SLC25A36: variants seen among roughly 807,000 people sequenced by gnomAD.
SLC25A36 encodes the protein epididymis secretory sperm binding protein.
In SLC25A36, 24 loss-of-function variants were observed where a neutral mutation model predicts 35.3. The ratio of observed to expected loss-of-function variants is 0.68; its 90% CI spans 0.49 to 0.96. SLC25A36 has a LOEUF of 0.96. Among genes scored for constraint, SLC25A36 ranks in the 40% least tolerant of loss-of-function variants. The probability of loss-of-function intolerance (pLI) is 0.00; values close to 1 mark genes in which losing one functional copy is unlikely to be tolerated. For missense variants in SLC25A36, 294 were observed against 381.1 expected, an observed-to-expected ratio of 0.77 and a Z score of 1.90; for synonymous variants, 141 against 132.2, an observed-to-expected ratio of 1.07 and a Z score of -0.46.
intron 1 of SLC25A36, among the ~76,000 whole-genome samples, chr3:140,951,548 A>G (rs1476656466): frequency 6.6e-6 from 1 of 152,056 alleles, no homozygotes; most frequent in Non-Finnish European, 1.5e-5. Flanking sequence ...CACTGGCACA[A>G]TCTCGGCTCA....
At chr3:140,955,598 C>G (rs1353910307) in intron 1 of SLC25A36, among the ~76,000 whole-genome samples, 2 of 152,066 alleles carry the variant, frequency 1.3e-5, no homozygotes, top group Admixed American at 6.5e-5. Flanking sequence ...GTGATCAGTC[C>G]TTTTATTTAA....
rs1243346781 is a variant in SLC25A36, at chr3:140,973,728, A to T, written c.465A>T (p.Glu155Asp). The T allele has an allele frequency of 6.8e-7, 1 of 1,477,162 alleles. No homozygotes were observed. The highest frequency in any genetic ancestry group is 1.4e-5 in the African/African-American group (1 of 71,556). 91.5% of individuals were successfully genotyped at this position (1,477,162 alleles called of 1,614,324 possible). ...TTTTGCTTTTCAGGAACCGCGGGGAAAGGCGAATGGGTGCTTTTGAATGTG... is the reference window on the plus strand; with the variant it reads ...TTTTGCTTTTCAGGAACCGCGGGGATAGGCGAATGGGTGCTTTTGAATGTG... ...RLQLDARNRG[E>D]RRMGAFECVR... The change falls in exon 6 of 7, where the codon GAA (glutamate) becomes GAT (aspartate). Residue 155 changes from glutamate to aspartate, a missense_variant. This residue lies in a region of SLC25A36 where 185 missense variants were observed against 201.5 expected (regional missense o/e 0.92). Transcript: ENST00000324194.
intron 1 of SLC25A36, among the ~76,000 whole-genome samples, chr3:140,942,892 G>C (rs1293733074): frequency 6.6e-6 from 1 of 152,144 alleles, no homozygotes. Flanking sequence ...GATTCCTTTC[G>C]AGAAAACCAC....
At position 140,942,089 on chromosome 3, in the gene SLC25A36, C is replaced by T; in HGVS notation, c.35C>T (p.Ala12Val). 6.8e-7 allele frequency: 1 copy of T among 1,473,720 alleles called. No homozygotes were observed. Among genetic ancestry groups the T allele is most frequent in the Non-Finnish European group, 9.1e-7 (1 of 1,096,812 alleles). The allele number at this position is 1,473,720 out of a possible 1,614,324, so 91.3% of individuals were successfully genotyped here. A position where few individuals can be genotyped will look rare whatever the true frequency, so the allele number is the denominator to read the frequency against. ...SQRDTLVHLFAGGCGGTVGAI... is the reference protein window; with the variant it reads ...SQRDTLVHLFVGGCGGTVGAI... ...AGGGACACGCTGGTGCATCTGTTTG[C>T]CGGAGGGTAAGGTCCTGGCGGGGCG... Residue 12 changes from alanine to valine, a missense_variant, in exon 1 of 7, where the codon GCC (alanine) becomes GTC (valine). Coordinates refer to ENST00000324194, the MANE Select transcript of SLC25A36 (RefSeq NM_001104647.3).
chr3:140,950,765 C>T (rs1341713121), intron 1 of SLC25A36, among the ~76,000 whole-genome samples: 1 of 152,036 alleles, frequency 6.6e-6, no homozygotes, highest in African/African-American at 2.4e-5. Context: ...ATTGCAGTAG[C>T]GCATCTTGGT....
At position 140,976,339 on chromosome 3, in the gene SLC25A36, A is replaced by G. The variant is rs904171646; in HGVS notation, c.822A>G (p.Glu274=). 3.1e-6 allele frequency: 5 copies of G among 1,613,772 alleles called. No homozygotes were observed. The highest frequency in any genetic ancestry group is 1.7e-5 in the Admixed American group (1 of 59,924). The part of the protein sequence containing the change: ...FFQTLSLLVQ[E]EGYGSLYRGL... The stretch of plus-strand genomic sequence containing the variant: ...AGACTCTATCTTTGCTTGTTCAAGA[A>G]GAAGGTTATGGGTCTCTTTATCGTG... The change falls in exon 7 of 7, where the codon GAA becomes GAG. Residue 274 remains glutamate (E), a synonymous_variant. Transcript: ENST00000324194.
At position 140,973,720 on chromosome 3, in the gene SLC25A36, CGCGGGGAAAG is replaced by C. The variant is rs1934964823; in HGVS notation, c.461_470del (p.Gly154GlufsTer17). 1 of 1,461,040 alleles carries C rather than the reference CGCGGGGAAAG, an allele frequency of 6.8e-7. No homozygotes were observed. Among genetic ancestry groups the C allele is most frequent in the Non-Finnish European group, 9.1e-7 (1 of 1,096,190 alleles). The allele number at this position is 1,461,040 out of a possible 1,614,324, so 90.5% of individuals were successfully genotyped here. A position where few individuals can be genotyped will look rare whatever the true frequency, so the allele number is the denominator to read the frequency against. ...ATGTTTCTTTTTGCTTTTCAGGAAC[CGCGGGGAAAG>C]GCGAATGGGTGCTTTTGAATGTGTT... On this transcript the variant is annotated frameshift_variant, in exon 6 of 7. Coordinates refer to ENST00000324194, the MANE Select transcript of SLC25A36 (RefSeq NM_001104647.3). LOFTEE classifies it high-confidence loss of function.
At chr3:140,966,630 T>C (rs940920325) in intron 4 of SLC25A36, 3 of 272,354 alleles carry the variant, frequency 1.1e-5, no homozygotes, top group African/African-American at 6.7e-5. Flanking sequence ...GAGATGATGA[T>C]CCCCTCTAAA....
rs545054065 is a variant in SLC25A36, at chr3:140,978,675, T to C, written c.*2222T>C. ...TCAGCTTTTAACAGTATTATGTATG[T>C]ACTGGAAAGCAAAGAAATCTTAGAG... On this transcript the variant is annotated 3_prime_UTR_variant, in exon 7 of 7. Transcript: ENST00000324194. 3.3e-5 allele frequency: 5 copies of C among 152,332 alleles called. No individual in the cohort carries two copies. In the East Asian group the frequency reaches 9.6e-4, roughly 29 times the overall value. The allele number at this position is 152,332 out of a possible 1,614,324, so 9.4% of individuals were successfully genotyped here.
At chr3:140,944,421 G>A (rs1356218900) in intron 1 of SLC25A36, among the ~76,000 whole-genome samples, 1 of 151,802 alleles carries the variant, frequency 6.6e-6, no homozygotes, top group East Asian at 1.9e-4. Flanking sequence ...TTCAGAGTTT[G>A]TAAGGTCAGT....
chr3:140,958,277 A>G (rs926326099), intron 2 of SLC25A36, among the ~76,000 whole-genome samples: 4 of 152,190 alleles, frequency 2.6e-5, no homozygotes, highest in Non-Finnish European at 4.4e-5. Context: ...TTCAGTTTCT[A>G]TTCCTTCTCA....
intron 1 of SLC25A36, among the ~76,000 whole-genome samples, chr3:140,943,076 C>A (rs1341742716): frequency 6.6e-6 from 1 of 152,140 alleles, no homozygotes; most frequent in Admixed American, 6.5e-5. Context: ...AGTTTAGCCT[C>A]CTGTTTAGAT....
In SLC25A36 at chr3:140,976,381, A is replaced by G. The variant is rs770974021; in HGVS notation, c.864A>G (p.Leu288=). 1 of 1,613,848 alleles carries G rather than the reference A, an allele frequency of 6.2e-7. No individual in the cohort carries two copies. Among genetic ancestry groups the G allele is most frequent in the African/African-American group, 1.3e-5 (1 of 74,932 alleles). Residue 288 remains leucine, a synonymous_variant, in exon 7 of 7, where the codon CTA becomes CTG. Transcript: ENST00000324194. ...TTTATCGTGGTCTGACAACTCATCT[A>G]GTGAGACAGATTCCAAACACAGCCA... ...GSLYRGLTTH[L]VRQIPNTAIM... is the part of the protein sequence containing the mutation.
intron 1 of SLC25A36, chr3:140,942,644 C>T (rs894185436): frequency 6.6e-6 from 1 of 152,256 alleles, no homozygotes; most frequent in African/African-American, 2.4e-5. Context: ...GCCCTCGCTC[C>T]TTGCAGCGCT....
At chr3:140,944,728 TAATA>T (rs1357761569) in intron 1 of SLC25A36, among the ~76,000 whole-genome samples, 1 of 152,176 alleles carries the variant, frequency 6.6e-6, no homozygotes. Flanking sequence ...ACAGATAATT[TAATA>T]TATGTAGTGA....
At chr3:140,966,909 A>G in intron 4 of SLC25A36, 1 of 456,240 alleles carries the variant, frequency 2.2e-6, no homozygotes, top group Non-Finnish European at 4.4e-6. Context: ...TTGTTATGAT[A>G]CAGAAAAGCC....
At chr3:140,957,764 C>T (rs1009530766) in intron 2 of SLC25A36, among the ~76,000 whole-genome samples, 6 of 152,144 alleles carry the variant, frequency 3.9e-5, no homozygotes, top group Non-Finnish European at 2.9e-5. Flanking sequence ...TATAGTTATA[C>T]ATAAATACTT....
At chr3:140,959,589 GT>G (rs771428715) in intron 3 of SLC25A36, 49 bp downstream of exon 3, 3 of 847,182 alleles carry the variant, frequency 3.5e-6, no homozygotes, top group South Asian at 4.3e-5. Context: ...AATCTCTTTT[GT>G]TTCAGCACAC....
rs747276114 is a variant in SLC25A36, at chr3:140,956,689, A to G, written c.204A>G (p.Leu68=). 61 of 1,607,292 alleles carry G rather than the reference A, an allele frequency of 3.8e-5. No individual in the cohort carries two copies. The South Asian group carries it at 6.1e-4, about 16-fold the overall frequency. Residue 68 remains leucine (L), a splice_region_variant and synonymous_variant, in exon 2 of 7, where the codon CTA becomes CTG. Transcript: ENST00000324194. ...RVVSPGPLHC[L]KVILEKEGPR... is the part of the protein sequence containing the mutation. ...TGTCTCCCGGACCTCTTCATTGCCT[A>G]AAGTGAGAGCATAGTATTCAGGAGT...
Sources: gnomAD v4.1 joint callset for allele counts (sites outside exome capture counted in the v4.1 genomes callset) on GRCh38, gnomAD v4.1.1 for gene constraint, gnomAD v4.1.1 regional missense constraint, MANE v1.5 for transcripts, NCBI Gene and HGNC (gene_info 2026-07-23, HGNC 2026-07-21) for gene names.